The following EEF1AKMT1 variants were observed in gnomAD, a reference collection of about 807,000 sequenced individuals.
EEF1AKMT1 encodes EEF1A lysine methyltransferase 1, also known as N-6 adenine-specific DNA methyltransferase 2 (putative).
EEF1AKMT1 carries 18 observed loss-of-function variants against 21.0 expected under a neutral mutation model. The observed-to-expected ratio is 0.86, with a 90% CI of 0.59 to 1.27. The LOEUF (loss-of-function observed/expected upper bound fraction) is 1.27, where lower values mean the gene tolerates loss of function less well. Among genes scored for constraint, EEF1AKMT1 ranks in the 50% most tolerant of loss-of-function variants. EEF1AKMT1 has a pLI of 0.00. For missense variants in EEF1AKMT1, 246 were observed against 258.6 expected (o/e 0.95, Z 0.33); for synonymous variants, 109 against 94.8 (o/e 1.15, Z -0.87).
In EEF1AKMT1 at chr13:20,770,239, G is replaced by C. The variant is rs985362462; in HGVS notation, c.-20+3682C>G. Among the ~76,000 whole-genome samples, 5 of 151,164 alleles carry C rather than the reference G, an allele frequency of 3.3e-5. No individual in the cohort carries two copies. In the Admixed American group the frequency reaches 3.3e-4, roughly 10 times the overall value. On this transcript the variant is annotated intron_variant, in intron 1 of 4. Transcript: ENST00000382758. ...AAATACTGCATAACTCCATTTATAT[G>C]AAGTATCTAGAGTAGTCAAAATCAG...
chr13:20,754,804 C>T (rs1010781385), intron 2 of EEF1AKMT1, among the ~76,000 whole-genome samples: 3 of 151,082 alleles, frequency 2.0e-5, no homozygotes, highest in South Asian at 2.1e-4. Flanking sequence ...GCACAAGAAT[C>T]GCTTGAACCA....
intron 4 of EEF1AKMT1, among the ~76,000 whole-genome samples, chr13:20,730,257 G>A (rs1250250890): frequency 6.6e-6 from 1 of 152,258 alleles, no homozygotes; most frequent in Non-Finnish European, 1.5e-5. Context: ...GCAACGGAGT[G>A]AATAAGCGTG....
At chr13:20,751,357 G>C (rs2058939044) in intron 2 of EEF1AKMT1, among the ~76,000 whole-genome samples, 1 of 152,182 alleles carries the variant, frequency 6.6e-6, no homozygotes, top group Admixed American at 6.5e-5. Flanking sequence ...TATGGTGAGA[G>C]ATAGGGGTCC....
chr13:20,738,091 A>C (rs2058836564), intron 2 of EEF1AKMT1, among the ~76,000 whole-genome samples: 1 of 152,248 alleles, frequency 6.6e-6, no homozygotes, highest in Non-Finnish European at 1.5e-5. Flanking sequence ...TCCCGATAGA[A>C]CATACCCCTA....
At chr13:20,746,850 G>A (rs1429393709) in intron 2 of EEF1AKMT1, among the ~76,000 whole-genome samples, 1 of 152,216 alleles carries the variant, frequency 6.6e-6, no homozygotes, top group East Asian at 1.9e-4. Context: ...TAGCAGTCTT[G>A]TATTTGAAAC....
chr13:20,773,280 T>C (rs551101149), intron 1 of EEF1AKMT1, among the ~76,000 whole-genome samples: 7 of 152,264 alleles, frequency 4.6e-5, no homozygotes, highest in African/African-American at 1.7e-4. Context: ...AGGAAGGCCT[T>C]CCTGTCTGAC....
chr13:20,767,149 A>T (rs1431145757), intron 1 of EEF1AKMT1, among the ~76,000 whole-genome samples: 4 of 151,674 alleles, frequency 2.6e-5, no homozygotes, highest in African/African-American at 9.7e-5. Context: ...CACTAAAAAT[A>T]CAAAAAATTA....
intron 2 of EEF1AKMT1, among the ~76,000 whole-genome samples, chr13:20,740,656 A>G (rs2058864460): frequency 6.6e-6 from 1 of 152,176 alleles, no homozygotes; most frequent in African/African-American, 2.4e-5. Context: ...ACAAAATATT[A>G]GCCAGGTGTG....
chr13:20,735,056 G>T (rs1043168929), intron 3 of EEF1AKMT1, among the ~76,000 whole-genome samples: 4 of 152,176 alleles, frequency 2.6e-5, no homozygotes. Context: ...TGTCAGCGGA[G>T]ACTAAGGAAA....
At chr13:20,733,778 C>T (rs1379758144) in intron 3 of EEF1AKMT1, among the ~76,000 whole-genome samples, 3 of 152,160 alleles carry the variant, frequency 2.0e-5, no homozygotes, top group Non-Finnish European at 2.9e-5. Context: ...TCTCACAATT[C>T]CTTTGTCACG....
At chr13:20,751,878 A>G (rs992979748) in intron 2 of EEF1AKMT1, among the ~76,000 whole-genome samples, 2 of 151,900 alleles carry the variant, frequency 1.3e-5, no homozygotes, top group African/African-American at 4.8e-5. Flanking sequence ...GGTTAAATTT[A>G]TTACTAGGTA....
In EEF1AKMT1 at chr13:20,731,420, T is replaced by C. The variant is rs1480198073; in HGVS notation, c.508+421A>G. ...TTTGAGGTTACAGAGAGAAAAAAAG[T>C]ATAACGATCTCGCCAGTAAGAAAAC... On this transcript the variant is annotated intron_variant, in intron 4 of 4. Transcript: ENST00000382758. 2.0e-5 allele frequency among the ~76,000 whole-genome samples: 3 copies of C among 152,178 alleles called. No homozygotes were observed. The South Asian group carries it at 6.2e-4, about 32-fold the overall frequency.
Position 20,760,352 on chromosome 13 carries a change from C to T in EEF1AKMT1, c.-19-2735G>A, listed in dbSNP as rs572677393. 7.9e-5 allele frequency among the ~76,000 whole-genome samples: 12 copies of T among 152,186 alleles called. No individual in the cohort carries two copies. The East Asian group carries it at 1.9e-3, about 25-fold the overall frequency. ...TACATATACACCATGGAATAGTACACAGCCATAAAAAAGAGTGAAATCATG... is the reference window on the plus strand; with the variant it reads ...TACATATACACCATGGAATAGTACATAGCCATAAAAAAGAGTGAAATCATG... On this transcript the variant is annotated intron_variant, in intron 1 of 4. Transcript: ENST00000382758.
intron 1 of EEF1AKMT1, among the ~76,000 whole-genome samples, chr13:20,771,978 T>C (rs1330213572): frequency 2.7e-5 from 4 of 150,728 alleles, no homozygotes; most frequent in African/African-American, 9.8e-5. Context: ...GCCATTGCAC[T>C]CCAGCCTGAA....
chr13:20,769,519 C>A (rs1595033447), intron 1 of EEF1AKMT1: 1 of 152,124 alleles, frequency 6.6e-6, no homozygotes, highest in Non-Finnish European at 1.5e-5. Flanking sequence ...AACACAACTG[C>A]ATATACAGGG....
chr13:20,730,509 A>T (rs2058786614), intron 4 of EEF1AKMT1, among the ~76,000 whole-genome samples: 1 of 151,838 alleles, frequency 6.6e-6, no homozygotes, highest in Non-Finnish European at 1.5e-5. Flanking sequence ...AGTTCTCAGA[A>T]TTTTTTTTTC....
intron 2 of EEF1AKMT1, among the ~76,000 whole-genome samples, chr13:20,751,501 T>C (rs971686320): frequency 1.4e-4 from 22 of 152,236 alleles, no homozygotes; most frequent in African/African-American, 4.8e-4. Context: ...TTCTCTATTC[T>C]GTTCCATTGG....
chr13:20,769,151 A>C (rs188559560), intron 1 of EEF1AKMT1: 1 of 152,344 alleles, frequency 6.6e-6, no homozygotes, highest in East Asian at 1.9e-4. Flanking sequence ...GGATGATGTA[A>C]ACAACTTTAG....
At chr13:20,759,997 C>T (rs893218561) in intron 1 of EEF1AKMT1, among the ~76,000 whole-genome samples, 2 of 146,856 alleles carry the variant, frequency 1.4e-5, no homozygotes, top group African/African-American at 2.5e-5. Context: ...CCCAGCTACT[C>T]GGGAGGCTGA....
Sources: allele counts gnomAD v4.1 joint callset (sites outside exome capture counted in the v4.1 genomes callset), GRCh38; gene constraint gnomAD v4.1.1; transcripts MANE v1.5; gene names NCBI Gene and HGNC (gene_info 2026-07-23, HGNC 2026-07-21).